The following RFX1 variants were observed in gnomAD, a reference collection of about 807,000 sequenced individuals.
RFX1 encodes the protein MHC class II regulatory factor RFX1.
Under a neutral mutation model 119.6 loss-of-function variants are expected in RFX1, and 42 were observed. The observed-to-expected ratio is 0.35, with a 90% CI of 0.27 to 0.45. The LOEUF (loss-of-function observed/expected upper bound fraction) is 0.45. RFX1 is among the 20% of genes least tolerant of loss of function. The probability of loss-of-function intolerance (pLI) is 1.00; values close to 1 mark genes in which losing one functional copy is unlikely to be tolerated. For synonymous variants in RFX1, 628 were observed against 618.5 expected (o/e 1.02, Z -0.23); for missense variants, 1,118 against 1,368.1 (o/e 0.82, Z 2.88).
At chr19:13,998,726 A>T (rs1397950995) in intron 1 of RFX1, among the ~76,000 whole-genome samples, 12 of 152,118 alleles carry the variant, frequency 7.9e-5, no homozygotes, top group Non-Finnish European at 2.9e-5. Flanking sequence ...ATGGCCCCAG[A>T]GTCTGTTTTA....
At chr19:13,964,056 G>C (rs907264543) in intron 16 of RFX1, 49 bp from the exon 17 acceptor site, 1 of 1,501,318 alleles carries the variant, frequency 6.7e-7, no homozygotes, top group Admixed American at 2.2e-5. Flanking sequence ...ACCCCAGCCC[G>C]CCAGCCCTGG....
chr19:13,972,742 C>A lies in RFX1; in HGVS notation c.1314+1G>T, dbSNP rs1458566273. The A allele has an allele frequency of 6.3e-7, 1 of 1,590,292 alleles. No homozygotes were observed. Among genetic ancestry groups the A allele is most frequent in the South Asian group, 1.1e-5 (1 of 88,042 alleles). On this transcript the variant is annotated splice_donor_variant, in intron 9 of 20. Transcript: ENST00000254325. LOFTEE classifies it high-confidence loss of function. ...TCTGGGGCCCGCGTTGGGGCACTTA[C>A]CGTGGCTGGCGAGGCACGGGTGGTG...
chr19:13,998,586 G>C (rs1258727727), intron 1 of RFX1, among the ~76,000 whole-genome samples: 1 of 152,174 alleles, frequency 6.6e-6, no homozygotes, highest in African/African-American at 2.4e-5. Flanking sequence ...ATCCAAGCCA[G>C]GTTGGGACAG....
In RFX1 at chr19:13,980,447, G is replaced by T; in HGVS notation, c.738+126C>A. 1.6e-6 allele frequency: 1 copy of T among 609,106 alleles called. No individual in the cohort carries two copies. 37.7% of individuals were successfully genotyped at this position (609,106 alleles called of 1,614,324 possible). A position where few individuals can be genotyped will look rare whatever the true frequency, so the allele number is the denominator to read the frequency against. On this transcript the variant is annotated intron_variant, in intron 6 of 20. Transcript: ENST00000254325. This position sits in a 1 kb window ranked among gnomAD's most constrained non-coding sequence, Gnocchi z 5.1. Reference sequence around the variant, plus strand: ...GCAGAGATGCTTATCAAAGGCCAGGGTGGCAGGCTGGGGCTGGACCCACAT... The same window carrying T: ...GCAGAGATGCTTATCAAAGGCCAGGTTGGCAGGCTGGGGCTGGACCCACAT...
In RFX1 at chr19:13,980,731, T is replaced by TGCGTCCTCTCTGGGGTGGGCTC. The variant is rs1974401980; in HGVS notation, c.622-43_622-42insGAGCCCACCCCAGAGAGGACGC. The TGCGTCCTCTCTGGGGTGGGCTC allele has an allele frequency of 2.5e-6, 3 of 1,201,600 alleles. No individual in the cohort carries two copies. Among genetic ancestry groups the TGCGTCCTCTCTGGGGTGGGCTC allele is most frequent in the East Asian group, 4.8e-5 (2 of 41,428 alleles). The allele number at this position is 1,201,600 out of a possible 1,614,324, so 74.4% of individuals were successfully genotyped here. A position where few individuals can be genotyped will look rare whatever the true frequency, so the allele number is the denominator to read the frequency against. ...CACAGGAGTGCCGCTGGGGTGGGCTTGCATCCTCTCTGAGGTGGGCTCACA... is the reference window on the plus strand; with the variant it reads ...CACAGGAGTGCCGCTGGGGTGGGCTTGCGTCCTCTCTGGGGTGGGCTCGCATCCTCTCTGAGGTGGGCTCACA... On this transcript the variant is annotated intron_variant, in intron 5 of 20. Coordinates refer to ENST00000254325, the MANE Select transcript of RFX1 (RefSeq NM_002918.5). The surrounding 1 kb of genome is among the most constrained non-coding windows in gnomAD (Gnocchi z 5.1).
At chr19:14,000,354 T>C (rs1050727756) in intron 1 of RFX1, among the ~76,000 whole-genome samples, 4 of 152,054 alleles carry the variant, frequency 2.6e-5, no homozygotes, top group Non-Finnish European at 4.4e-5. Context: ...GGTGTGGTGG[T>C]GTGTGGCTGT....
intron 1 of RFX1, among the ~76,000 whole-genome samples, chr19:14,004,860 G>C (rs55718149): frequency 2.0e-5 from 3 of 152,110 alleles, no homozygotes; most frequent in African/African-American, 7.2e-5. Flanking sequence ...TCCTCCCCGA[G>C]CTGGCAGGAT....
chr19:13,971,716 T>A (rs1042881885), intron 9 of RFX1, among the ~76,000 whole-genome samples: 2 of 151,722 alleles, frequency 1.3e-5, no homozygotes, highest in South Asian at 2.1e-4. Context: ...ACAAAAAAAA[T>A]TTTTTAAAAT....
intron 1 of RFX1, among the ~76,000 whole-genome samples, chr19:13,997,157 C>T (rs189177627): frequency 7.9e-5 from 12 of 152,314 alleles, no homozygotes; most frequent in African/African-American, 2.2e-4. Flanking sequence ...AGGGGGAAGC[C>T]GGCCCAAGCA....
chr19:13,978,037 A>T lies in RFX1; in HGVS notation c.884T>A (p.Val295Glu). 6.2e-7 allele frequency: 1 copy of T among 1,613,512 alleles called. No homozygotes were observed. Among genetic ancestry groups the T allele is most frequent in the Non-Finnish European group, 8.5e-7 (1 of 1,179,800 alleles). The change falls in exon 8 of 21, where the codon GTG (valine) becomes GAG (glutamate). Residue 295 changes from valine to glutamate, a missense_variant. Physicochemically the swap from Val to Glu is moderately radical, Grantham distance 121. Coordinates refer to ENST00000254325, the MANE Select transcript of RFX1 (RefSeq NM_002918.5). ...GGCATCGCCGCCCTCCACATACTGC[A>T]CCTGGCTGGAGTACACGTGTGGGAC... ...VPVPHVYSSQ[V>E]QYVEGGDASY...
chr19:13,979,496 A>C lies in RFX1; in HGVS notation c.785T>G (p.Val262Gly). 7 of 1,603,274 alleles carry C rather than the reference A, an allele frequency of 4.4e-6. No individual in the cohort carries two copies. Among genetic ancestry groups the C allele is most frequent in the Non-Finnish European group, 6.0e-6 (7 of 1,174,254 alleles). Residue 262 changes from valine to glycine, a missense_variant, in exon 7 of 21, where the codon GTG becomes GGG. Coordinates refer to ENST00000254325, the MANE Select transcript of RFX1 (RefSeq NM_002918.5). Reference protein sequence around the residue: ...ATPQAPKPGPVQPLTVQGLQP... With the variant: ...ATPQAPKPGPGQPLTVQGLQP... The stretch of plus-strand genomic sequence containing the variant: ...GAGGCCCTGCACGGTCAGCGGCTGC[A>C]CCGGGCCGGGTTTGGGCGCTTGTGG...
chr19:13,964,443 C>G (rs938551437), intron 16 of RFX1, among the ~76,000 whole-genome samples: 1 of 151,052 alleles, frequency 6.6e-6, no homozygotes, highest in Non-Finnish European at 1.5e-5. Context: ...GGGCACTGCA[C>G]AGAAAGGGCA....
At chr19:13,963,335 C>G (rs539077393) in intron 18 of RFX1, 60 bp from the exon 19 acceptor site, 19 of 1,544,156 alleles carry the variant, frequency 1.2e-5, no homozygotes, top group Admixed American at 1.9e-5. Flanking sequence ...CCCTCTCCCC[C>G]TCCCCGCTGC....
intron 2 of RFX1, among the ~76,000 whole-genome samples, chr19:13,989,982 T>C (rs1266038576): frequency 6.6e-6 from 1 of 151,860 alleles, no homozygotes; most frequent in Non-Finnish European, 1.5e-5. Flanking sequence ...AGGAGAGATT[T>C]GAAGAGGGAA....
rs1211623275 is a variant in RFX1 at position 13,986,865 on chromosome 19, G to C, written c.320-3270C>G. On this transcript the variant is annotated intron_variant, in intron 2 of 20. Coordinates refer to ENST00000254325, the MANE Select transcript of RFX1 (RefSeq NM_002918.5). This position sits in a 1 kb window ranked among gnomAD's most constrained non-coding sequence, Gnocchi z 4.2. ...CTGGACTCCTGGCATCCACCCTGGG[G>C]GCCTGGCCCCCTTCCCCATAGACAG... is the stretch of plus-strand genomic sequence containing the variant. 1.3e-5 allele frequency among the ~76,000 whole-genome samples: 2 copies of C among 152,096 alleles called. No homozygotes were observed. Among genetic ancestry groups the C allele is most frequent in the African/African-American group, 4.8e-5 (2 of 41,426 alleles).
chr19:13,963,660 G>C lies in RFX1; in HGVS notation c.2448C>G (p.Asn816Lys). Residue 816 changes from asparagine (N) to lysine (K), a missense_variant, in exon 18 of 21, where the codon AAC (asparagine) becomes AAG (lysine). Asn to Lys is a moderately conservative substitution (Grantham distance 94). Coordinates refer to ENST00000254325, the MANE Select transcript of RFX1 (RefSeq NM_002918.5). ...GCCAGGCCGCCCACTGCTCCAGCGA[G>C]TTCTGCTGCTGCAGCGTCACCTTGA... ...QDFKVTLQQQ[N>K]SLEQWAAWLD... 6.2e-7 allele frequency: 1 copy of C among 1,603,478 alleles called. No homozygotes were observed.
In RFX1 at chr19:13,984,891, G is replaced by A. The variant is rs144883706; in HGVS notation, c.320-1296C>T. 9.9e-3 allele frequency among the ~76,000 whole-genome samples: 1,504 copies of A among 152,162 alleles called. 24 individuals are homozygous for A. The highest frequency in any genetic ancestry group is 0.034 in the African/African-American group (1,413 of 41,536). On this transcript the variant is annotated intron_variant, in intron 2 of 20. Transcript: ENST00000254325. ...TTTTGTTTTTTTGAGACAGGGTTTC[G>A]CTCTGTCACCCAGGCTGGAGTGCAG...
rs763162682 is a variant in RFX1 at position 13,966,572 on chromosome 19, T to C, written c.1852-42A>G. 4 of 1,531,194 alleles carry C rather than the reference T, an allele frequency of 2.6e-6. No homozygotes were observed. The highest frequency in any genetic ancestry group is 3.6e-6 in the Non-Finnish European group (4 of 1,124,978). 94.9% of individuals were successfully genotyped at this position (1,531,194 alleles called of 1,614,324 possible). A position where few individuals can be genotyped will look rare whatever the true frequency, so the allele number is the denominator to read the frequency against. On this transcript the variant is annotated intron_variant, in intron 13 of 20. Coordinates refer to ENST00000254325, the MANE Select transcript of RFX1 (RefSeq NM_002918.5). The surrounding 1 kb of genome is among the most constrained non-coding windows in gnomAD (Gnocchi z 6.3). ...TGCTCAGGGAGGCTGGGGGGCAGCA[T>C]GGCCCTCCCATGCCCGTGGCTGCGT...
intron 7 of RFX1, among the ~76,000 whole-genome samples, chr19:13,978,728 C>A (rs897689187): frequency 1.3e-5 from 2 of 152,152 alleles, no homozygotes; most frequent in African/African-American, 4.8e-5. Flanking sequence ...CGCTGCCCCC[C>A]GCCCGTGCGT....
Sources: gnomAD v4.1 joint callset for allele counts (sites outside exome capture counted in the v4.1 genomes callset) on GRCh38, gnomAD v4.1.1 for gene constraint, Gnocchi (gnomAD v3.1) non-coding constraint, MANE v1.5 for transcripts, NCBI Gene and HGNC (gene_info 2026-07-23, HGNC 2026-07-21) for gene names.